RAPGEF4: variants seen among roughly 807,000 people sequenced by gnomAD.
RAPGEF4 encodes RAP guanine-nucleotide-exchange factor (GEF) 4.
In RAPGEF4, 66 loss-of-function variants were observed where a neutral mutation model predicts 147.9. The observed-to-expected ratio is 0.45, with a 90% CI of 0.37 to 0.55. RAPGEF4 has a LOEUF of 0.55. Among genes scored for constraint, RAPGEF4 ranks in the 20% least tolerant of loss-of-function variants. RAPGEF4 has a pLI of 0.00. For missense variants in RAPGEF4, 1,071 were observed against 1,257.3 expected, an observed-to-expected ratio of 0.85 and a Z score of 2.24; for synonymous variants, 419 against 442.7, an observed-to-expected ratio of 0.95 and a Z score of 0.67.
intron 26 of RAPGEF4, among the ~76,000 whole-genome samples, chr2:173,031,273 C>T (rs1697165790): frequency 6.6e-6 from 1 of 152,176 alleles, no homozygotes; most frequent in African/African-American, 2.4e-5. Context: ...AGCAGCTCAT[C>T]CCCTGAATAT....
chr2:172,860,117 T>C, intron 4 of RAPGEF4: 1 of 985,396 alleles, frequency 1.0e-6, no homozygotes, highest in Non-Finnish European at 1.2e-6. Flanking sequence ...AGTGCTAATA[T>C]GCTGCAGAAA....
At chr2:172,993,701 C>G (rs764692260) in intron 15 of RAPGEF4, among the ~76,000 whole-genome samples, 1 of 152,160 alleles carries the variant, frequency 6.6e-6, no homozygotes, top group Non-Finnish European at 1.5e-5. Context: ...ATGTTTCAGC[C>G]AAACCCAGAA....
intron 4 of RAPGEF4, among the ~76,000 whole-genome samples, chr2:172,877,698 C>G (rs990635456): frequency 3.9e-5 from 6 of 152,210 alleles, no homozygotes; most frequent in African/African-American, 1.4e-4. Context: ...TAAAAGACCC[C>G]TTCCTTCTGC....
intron 29 of RAPGEF4, among the ~76,000 whole-genome samples, chr2:173,041,855 T>A (rs921057569): frequency 4.6e-5 from 7 of 152,194 alleles, no homozygotes; most frequent in South Asian, 2.1e-4. Context: ...GTCTGCTGTC[T>A]GGTTCCTCGT....
At chr2:172,766,759 A>G (rs1264490036) in intron 1 of RAPGEF4, among the ~76,000 whole-genome samples, 1 of 152,196 alleles carries the variant, frequency 6.6e-6, no homozygotes, top group East Asian at 1.9e-4. Context: ...AGAGTTTATT[A>G]TAAATGGAAT....
At chr2:172,900,843 A>T (rs577613366) in intron 4 of RAPGEF4, among the ~76,000 whole-genome samples, 6 of 152,308 alleles carry the variant, frequency 3.9e-5, no homozygotes, top group African/African-American at 1.4e-4. Flanking sequence ...ACCGTCCATA[A>T]TGTTTTATGA....
At chr2:173,001,623 G>A (rs571038841) in intron 17 of RAPGEF4, among the ~76,000 whole-genome samples, 2 of 152,252 alleles carry the variant, frequency 1.3e-5, no homozygotes, top group South Asian at 4.1e-4. Flanking sequence ...AATACCCGAG[G>A]CTGGGTAATT....
At chr2:172,972,022 A>G (rs1158442922) in intron 10 of RAPGEF4, among the ~76,000 whole-genome samples, 3 of 146,718 alleles carry the variant, frequency 2.0e-5, no homozygotes, top group Non-Finnish European at 3.0e-5. Flanking sequence ...AACATATGCT[A>G]TAGGGCGTAA....
In RAPGEF4 at chr2:173,011,170, GCACACA is replaced by G. The variant is rs1553548086; in HGVS notation, c.1659-3260_1659-3255del. 9.0e-4 allele frequency among the ~76,000 whole-genome samples: 120 copies of G among 133,572 alleles called. 1 individual carries two copies. The highest frequency in any genetic ancestry group is 2.7e-3 in the African/African-American group (95 of 34,862). 87.6% of individuals were successfully genotyped at this position (133,572 alleles called of 152,430 possible). On this transcript the variant is annotated intron_variant, in intron 17 of 30. Coordinates refer to ENST00000397081, the MANE Select transcript of RAPGEF4 (RefSeq NM_007023.4). ...AACCTTGGAACTTCAGCGCGCGCGC[GCACACA>G]CACACACACACACACACACACACAC...
chr2:172,947,891 A>C (rs191396556), intron 6 of RAPGEF4, among the ~76,000 whole-genome samples: 98 of 152,360 alleles, frequency 6.4e-4, no homozygotes, highest in African/African-American at 2.2e-3. Context: ...ATGCAGTCAT[A>C]TAAACAGCAT....
At position 172,848,753 on chromosome 2, in the gene RAPGEF4, C is replaced by T. The variant is rs115108505; in HGVS notation, c.444+34328C>T. ...GTGGGAATATAGCATGTGTGAACAG[C>T]CTTCGAGTCCAGCAAGAGGCCTGCC... On this transcript the variant is annotated intron_variant, in intron 4 of 30. Transcript: ENST00000397081. Among the ~76,000 whole-genome samples, 601 of 152,200 alleles carry T rather than the reference C, an allele frequency of 3.9e-3. 4 individuals are homozygous for T. Among genetic ancestry groups the T allele is most frequent in the African/African-American group, 0.014 (587 of 41,512 alleles).
chr2:172,828,754 T>C (rs2553003), intron 4 of RAPGEF4, among the ~76,000 whole-genome samples: 148,102 of 152,282 alleles, frequency 0.97, 72,158 homozygotes, highest in East Asian at 1. Context: ...CAAGACCCAG[T>C]TCAAATGCTG....
At chr2:172,779,415 A>G (rs1290940260) in intron 1 of RAPGEF4, among the ~76,000 whole-genome samples, 2 of 152,150 alleles carry the variant, frequency 1.3e-5, no homozygotes, top group Non-Finnish European at 2.9e-5. Context: ...ATCTGGGGAA[A>G]TAGTATCCCT....
chr2:173,001,285 T>C lies in RAPGEF4; in HGVS notation c.1599T>C (p.Phe533=). 2 of 1,614,078 alleles carry C rather than the reference T, an allele frequency of 1.2e-6. No individual in the cohort carries two copies. The highest frequency in any genetic ancestry group is 1.7e-6 in the Non-Finnish European group (2 of 1,179,950). The change falls in exon 17 of 31, where the codon TTT becomes TTC. Residue 533 remains phenylalanine, a synonymous_variant. Transcript: ENST00000397081. ...TTCCAGATTCTGTTTTAAATGACTTTATTATGATGCACTGTGTTTTTATGC... is the reference window on the plus strand; with the variant it reads ...TTCCAGATTCTGTTTTAAATGACTTCATTATGATGCACTGTGTTTTTATGC... The part of the protein sequence containing the change: ...NEATDSVLND[F]IMMHCVFMPN...
At chr2:172,767,335 T>C (rs192740388) in intron 1 of RAPGEF4, among the ~76,000 whole-genome samples, 64 of 152,200 alleles carry the variant, frequency 4.2e-4, no homozygotes, top group Middle Eastern at 6.8e-3. Context: ...TGCGCCACCA[T>C]GCCCGGCTAG....
chr2:172,775,702 C>A (rs1684095785), intron 1 of RAPGEF4, among the ~76,000 whole-genome samples: 1 of 151,416 alleles, frequency 6.6e-6, no homozygotes, highest in Middle Eastern at 3.4e-3. Context: ...GTGGGTATGA[C>A]AAAAGGTCAA....
At chr2:172,814,490 A>G in intron 4 of RAPGEF4, 65 bp downstream of exon 4, 1 of 1,526,964 alleles carries the variant, frequency 6.5e-7, no homozygotes, top group East Asian at 2.2e-5. Context: ...TGCCACATGG[A>G]TAATGGCATT....
In RAPGEF4 at chr2:173,036,128, C is replaced by A. The variant is rs17853967; in HGVS notation, c.2704C>A (p.Pro902Thr). Residue 902 changes from proline (P) to threonine (T), a missense_variant, in exon 28 of 31, where the codon CCT becomes ACT. Physicochemically the swap from Pro to Thr is conservative, Grantham distance 38 (BLOSUM62 -1). Transcript: ENST00000397081. Reference protein sequence around the residue: ...FYAEFESLMDPSRNHRAYRLT... With the variant: ...FYAEFESLMDTSRNHRAYRLT... The stretch of plus-strand genomic sequence containing the variant: ...TCATCTCTTTTTCTCTCCTAAGGAC[C>A]CTTCAAGGAACCACAGGGCCTACAG... 2 of 1,607,156 alleles carry A rather than the reference C, an allele frequency of 1.2e-6. No homozygotes were observed. Among genetic ancestry groups the A allele is most frequent in the Non-Finnish European group, 1.7e-6 (2 of 1,174,080 alleles).
intron 4 of RAPGEF4, among the ~76,000 whole-genome samples, chr2:172,892,336 T>C (rs1371057373): frequency 6.6e-6 from 1 of 152,230 alleles, no homozygotes; most frequent in Non-Finnish European, 1.5e-5. Context: ...ACCTTAACCA[T>C]TGACTCCACT....
Sources: gnomAD v4.1 joint callset for allele counts (sites outside exome capture counted in the v4.1 genomes callset) on GRCh38, gnomAD v4.1.1 for gene constraint, MANE v1.5 for transcripts, NCBI Gene and HGNC (gene_info 2026-07-23, HGNC 2026-07-21) for gene names.